MUC3A: variants seen among roughly 807,000 people sequenced by gnomAD.
MUC3A encodes the protein mucin 3A, cell surface associated, also known as mucin-3A.
In MUC3A, 109 loss-of-function variants were observed where a neutral mutation model predicts 109.0. The ratio of observed to expected loss-of-function variants is 1.00; its 90% confidence interval spans 0.86 to 1.17. The LOEUF is 1.17. MUC3A is among the 50% of genes most tolerant of loss of function. MUC3A has a pLI of 0.00. For missense variants in MUC3A, 3,537 were observed against 2,469.4 expected (o/e 1.43, Z -9.16); for synonymous variants, 1,398 against 981.4 (o/e 1.42, Z -7.93).
intron 10 of MUC3A, 43 bp downstream of exon 10, chr7:100,966,786 G>T (rs1792587015): frequency 6.3e-7 from 1 of 1,598,464 alleles, no homozygotes; most frequent in Non-Finnish European, 8.5e-7. Context: ...GCTTTCCTGG[G>T]CACCACTGCG....
In MUC3A at chr7:100,960,316, C is replaced by G. The variant is rs1403584347; in HGVS notation, c.8537C>G (p.Ala2846Gly). ...PESESSISPNASSSTGTGTVP... is the reference protein window; with the variant it reads ...PESESSISPNGSSSTGTGTVP... Reference sequence around the variant, plus strand: ...AGTGAGTCCAGCATCTCACCCAATGCTTCCAGTTCCACTGGCACTGGGACT... The same window carrying G: ...AGTGAGTCCAGCATCTCACCCAATGGTTCCAGTTCCACTGGCACTGGGACT... The change falls in exon 2 of 12, where the codon GCT (alanine) becomes GGT (glycine). Residue 2846 changes from alanine (A) to glycine (G), a missense_variant. Transcript: ENST00000379458. 1.9e-6 allele frequency: 3 copies of G among 1,598,430 alleles called. No homozygotes were observed. Among genetic ancestry groups the G allele is most frequent in the African/African-American group, 2.7e-5 (2 of 74,962 alleles).
chr7:100,966,988 C>T, intron 11 of MUC3A, 37 bp downstream of exon 11: 1 of 1,598,548 alleles, frequency 6.3e-7, no homozygotes, highest in South Asian at 1.1e-5. Context: ...AGGAACTCTC[C>T]CAGCCTCCAT....
chr7:100,966,602 G>C (rs747745375), intron 9 of MUC3A, 43 bp downstream of exon 9: 1 of 1,596,038 alleles, frequency 6.3e-7, no homozygotes, highest in South Asian at 1.1e-5. Context: ...GGGCAGCCAA[G>C]GGGTCCCAGG....
rs771198172 is a variant in MUC3A, at chr7:100,966,479, C to T, written c.9705C>T (p.Ala3235=). ...TGGTCGGGGGCCTGACGGCCGGCGCCGCGCTGCTGGTGCTGCTGCTGCTGG... is the reference window on the plus strand; with the variant it reads ...TGGTCGGGGGCCTGACGGCCGGCGCTGCGCTGCTGGTGCTGCTGCTGCTGG... ...RALVGGLTAG[A]ALLVLLLLAL... Residue 3235 remains alanine (A), a synonymous_variant, in exon 9 of 12, where the codon GCC becomes GCT. Transcript: ENST00000379458. 7.6e-7 allele frequency: 1 copy of T among 1,323,338 alleles called. No individual in the cohort carries two copies. Among genetic ancestry groups the T allele is most frequent in the Non-Finnish European group, 9.6e-7 (1 of 1,045,720 alleles). The allele number at this position is 1,323,338 out of a possible 1,614,324, so 82.0% of individuals were successfully genotyped here. A position where few individuals can be genotyped will look rare whatever the true frequency, so the allele number is the denominator to read the frequency against.
In MUC3A at chr7:100,959,554, C is replaced by A; in HGVS notation, c.7775C>A (p.Thr2592Lys). The change falls in exon 2 of 12, where the codon ACA becomes AAA. Residue 2592 changes from threonine (T) to lysine (K), a missense_variant. Transcript: ENST00000379458. ...PVLTSATGTQ[T>K]SPAPTTVTFG... The stretch of plus-strand genomic sequence containing the variant: ...CTGACGTCAGCCACTGGGACCCAAA[C>A]ATCTCCTGCACCTACTACTGTCACC... 1 of 1,591,236 alleles carries A rather than the reference C, an allele frequency of 6.3e-7. No homozygotes were observed. The highest frequency in any genetic ancestry group is 8.5e-7 in the Non-Finnish European group (1 of 1,176,378).
At position 100,960,414 on chromosome 7, in the gene MUC3A, A is replaced by T; in HGVS notation, c.8635A>T (p.Ile2879Phe). The stretch of plus-strand genomic sequence containing the variant: ...GACCTGGCTGAGCAACAGTTCTGTG[A>T]TCCCCCTACCTCTTCCTGGCGTCTC... ...SETWLSNSSV[I>F]PLPLPGVSTI... Residue 2879 changes from isoleucine to phenylalanine, a missense_variant, in exon 2 of 12, where the codon ATC becomes TTC. Physicochemically the swap from Ile to Phe is conservative, Grantham distance 21. Transcript: ENST00000379458. The T allele has an allele frequency of 6.3e-7, 1 of 1,598,554 alleles. No individual in the cohort carries two copies. Among genetic ancestry groups the T allele is most frequent in the Non-Finnish European group, 8.5e-7 (1 of 1,179,822 alleles).
rs1289851590 is a variant in MUC3A at position 100,949,723 on chromosome 7, C to T, written c.61+38C>T. The T allele has an allele frequency of 3.4e-6, 5 of 1,481,854 alleles. No individual in the cohort carries two copies. In the African/African-American group the frequency reaches 7.0e-5, roughly 21 times the overall value. The allele number at this position is 1,481,854 out of a possible 1,614,324, so 91.8% of individuals were successfully genotyped here. A position where few individuals can be genotyped will look rare whatever the true frequency, so the allele number is the denominator to read the frequency against. ...GGCGGAAGGGGGTTGGAGAAAAGCT[C>T]CTGATGTGATGTTCCAGGAAAGGGG... On this transcript the variant is annotated intron_variant, in intron 1 of 11. Transcript: ENST00000379458.
In MUC3A at chr7:100,955,263, ACAGT is replaced by A. The variant is rs1473550746; in HGVS notation, c.3488_3491del (p.Val1163AlafsTer18). 2.6e-6 allele frequency: 2 copies of A among 764,368 alleles called. No homozygotes were observed. The highest frequency in any genetic ancestry group is 4.8e-6 in the Non-Finnish European group (2 of 417,682). The allele number at this position is 764,368 out of a possible 1,614,324, so 47.3% of individuals were successfully genotyped here. On this transcript the variant is annotated frameshift_variant, in exon 2 of 12. Transcript: ENST00000379458. LOFTEE classifies it high-confidence loss of function. The stretch of plus-strand genomic sequence containing the variant: ...CTTCACTTCTTCAACCATCTACTCC[ACAGT>A]CAGCACATCCACAACTGCCATCTCC...
Position 100,957,897 on chromosome 7 carries a change from A to T in MUC3A, c.6118A>T (p.Thr2040Ser), listed in dbSNP as rs2116182924. 2 of 653,220 alleles carry T rather than the reference A, an allele frequency of 3.1e-6. No individual in the cohort carries two copies. Among genetic ancestry groups the T allele is most frequent in the Admixed American group, 2.3e-5 (1 of 42,976 alleles). The allele number at this position is 653,220 out of a possible 1,614,324, so 40.5% of individuals were successfully genotyped here. ...AACCACCGAGACCACATCCCATAGT[A>T]CTCCCAGCTTCACTTCTTCGATCAC... ...ITTTETTSHSTPSFTSSITTE... is the reference protein window; with the variant it reads ...ITTTETTSHSSPSFTSSITTE... Residue 2040 changes from threonine (T) to serine (S), a missense_variant, in exon 2 of 12, where the codon ACT becomes TCT. Transcript: ENST00000379458.
Position 100,964,784 on chromosome 7 carries a change from C to T in MUC3A, c.9323C>T (p.Thr3108Met), listed in dbSNP as rs587664220. The T allele has an allele frequency of 7.4e-5, 119 of 1,598,402 alleles. No individual in the cohort carries two copies. Among genetic ancestry groups the T allele is most frequent in the South Asian group, 4.3e-4 (39 of 91,070 alleles). The part of the protein sequence containing the change: ...LESEYEQVKT[T>M]LKEGLQNASQ... ...AGCGAGTATGAGCAGGTGAAGACCACGCTGAAGGAGGGGCTGCAGAACGCC... is the reference window on the plus strand; with the variant it reads ...AGCGAGTATGAGCAGGTGAAGACCATGCTGAAGGAGGGGCTGCAGAACGCC... The change falls in exon 6 of 12, where the codon ACG becomes ATG. Residue 3108 changes from threonine to methionine, a missense_variant. Thr to Met is a moderately conservative substitution (Grantham distance 81). Coordinates refer to ENST00000379458, the MANE Select transcript of MUC3A (RefSeq NM_005960.2).
chr7:100,950,840 G>C (rs1791915171), intron 1 of MUC3A, among the ~76,000 whole-genome samples: 1 of 152,294 alleles, frequency 6.6e-6, no homozygotes, highest in Non-Finnish European at 1.5e-5. Context: ...TAAGCCTTAA[G>C]GTCTCCAGAA....
chr7:100,959,550 C>G lies in MUC3A; in HGVS notation c.7771C>G (p.Gln2591Glu). ...TGTACTGACGTCAGCCACTGGGACC[C>G]AAACATCTCCTGCACCTACTACTGT... ...PPVLTSATGT[Q>E]TSPAPTTVTF... Residue 2591 changes from glutamine to glutamate, a missense_variant, in exon 2 of 12, where the codon CAA (glutamine) becomes GAA (glutamate). Gln to Glu is a conservative substitution (Grantham distance 29, BLOSUM62 2). Transcript: ENST00000379458. 1.9e-6 allele frequency: 3 copies of G among 1,591,134 alleles called. No individual in the cohort carries two copies. Among genetic ancestry groups the G allele is most frequent in the Non-Finnish European group, 8.5e-7 (1 of 1,176,350 alleles).
intron 9 of MUC3A, 35 bp from the exon 10 acceptor site, chr7:100,966,617 C>A (rs761799589): frequency 1.3e-6 from 2 of 1,598,310 alleles, no homozygotes; most frequent in South Asian, 2.2e-5. Flanking sequence ...CCCAGGCGGG[C>A]CGGCTCTGTC....
chr7:100,965,139 T>A (rs1792482272), intron 6 of MUC3A, 143 bp from the exon 7 acceptor site: 1 of 10,788 alleles, frequency 9.3e-5, no homozygotes, highest in East Asian at 8.8e-3. Context: ...CGCCTGTGGC[T>A]CTCTCCGTCT....
In MUC3A at chr7:100,955,281, A is replaced by G. The variant is rs1229827001; in HGVS notation, c.3502A>G (p.Thr1168Ala). The G allele has an allele frequency of 1.3e-6, 1 of 764,472 alleles. No individual in the cohort carries two copies. Among genetic ancestry groups the G allele is most frequent in the Non-Finnish European group, 2.4e-6 (1 of 417,648 alleles). 47.4% of individuals were successfully genotyped at this position (764,472 alleles called of 1,614,324 possible). The change falls in exon 2 of 12, where the codon ACT becomes GCT. Residue 1168 changes from threonine to alanine, a missense_variant. Thr to Ala is a moderately conservative substitution (Grantham distance 58). Transcript: ENST00000379458. ...TIYSTVSTSTTAISSASPTSG... is the reference protein window; with the variant it reads ...TIYSTVSTSTAAISSASPTSG... ...CTACTCCACAGTCAGCACATCCACAACTGCCATCTCCTCAGCTTCCCCTAC... is the reference window on the plus strand; with the variant it reads ...CTACTCCACAGTCAGCACATCCACAGCTGCCATCTCCTCAGCTTCCCCTAC...
rs1223923841 is a variant in MUC3A, at chr7:100,949,619, G to A, written c.-6G>A. 3.9e-6 allele frequency: 6 copies of A among 1,549,880 alleles called. No homozygotes were observed. The highest frequency in any genetic ancestry group is 5.2e-6 in the Non-Finnish European group (6 of 1,155,060). On this transcript the variant is annotated 5_prime_UTR_variant, in exon 1 of 12. Coordinates refer to ENST00000379458, the MANE Select transcript of MUC3A (RefSeq NM_005960.2). ...GTTCTGCCCCAGCCCCCTGCCCGCTGGGCCCATGCAGCTGTTGGGGCTCCT... is the reference window on the plus strand; with the variant it reads ...GTTCTGCCCCAGCCCCCTGCCCGCTAGGCCCATGCAGCTGTTGGGGCTCCT...
At chr7:100,949,748 GA>G in intron 1 of MUC3A, 63 bp downstream of exon 1, 1 of 1,439,040 alleles carries the variant, frequency 6.9e-7, no homozygotes, top group Non-Finnish European at 9.2e-7. Flanking sequence ...CAGGAAAGGG[GA>G]GGGAAAAGTG....
rs762146039 is a variant in MUC3A at position 100,960,661 on chromosome 7, T to G, written c.8866+16T>G. ...ACCACTGCAGGTTGGACCTTCTGCC[T>G]CTCTGTTCCCCTCCTTCCTCCCCTG... On this transcript the variant is annotated intron_variant, in intron 2 of 11. Coordinates refer to ENST00000379458, the MANE Select transcript of MUC3A (RefSeq NM_005960.2). 5 of 1,594,192 alleles carry G rather than the reference T, an allele frequency of 3.1e-6. No homozygotes were observed. Among genetic ancestry groups the G allele is most frequent in the Non-Finnish European group, 3.4e-6 (4 of 1,177,282 alleles).
Position 100,965,989 on chromosome 7 carries a change from TG to T in MUC3A, c.9611+124del. On this transcript the variant is annotated intron_variant, in intron 8 of 11. Transcript: ENST00000379458. ...CTACAGTGGAGCCTCGTCCCCAGAG[TG>T]CCGCTCCAAGCCCATCCCCGTTGCC... The T allele has an allele frequency of 1.3e-5, 18 of 1,419,698 alleles. No individual in the cohort carries two copies. The South Asian group carries it at 2.6e-4, about 21-fold the overall frequency. The allele number at this position is 1,419,698 out of a possible 1,614,324, so 87.9% of individuals were successfully genotyped here. A position where few individuals can be genotyped will look rare whatever the true frequency, so the allele number is the denominator to read the frequency against.
Sources: allele counts gnomAD v4.1 joint callset (sites outside exome capture counted in the v4.1 genomes callset), GRCh38; gene constraint gnomAD v4.1.1; transcripts MANE v1.5; gene names NCBI Gene and HGNC (gene_info 2026-07-23, HGNC 2026-07-21).